The following CRIM1 variants were observed in gnomAD, a reference collection of about 807,000 sequenced individuals.
CRIM1 encodes cysteine-rich motor neuron 1 protein.
In CRIM1, 32 loss-of-function variants were observed where a neutral mutation model predicts 116.4. The observed-to-expected ratio is 0.27, with a 90% confidence interval of 0.21 to 0.37. CRIM1 has a LOEUF of 0.37. CRIM1 is among the 10% of genes least tolerant of loss of function. The pLI is 1.00. For missense variants in CRIM1, 1,331 were observed against 1,354.8 expected, an observed-to-expected ratio of 0.98 and a Z score of 0.28; for synonymous variants, 590 against 509.2, an observed-to-expected ratio of 1.16 and a Z score of -2.13.
chr2:36,546,892 C>T, intron 15 of CRIM1, 92 bp from the exon 16 acceptor site: 1 of 684,934 alleles, frequency 1.5e-6, no homozygotes, highest in Non-Finnish European at 2.4e-6. Context: ...AGCAATAAAA[C>T]CAAGTTGCTG....
chr2:36,451,447 C>T (rs1198931129), intron 4 of CRIM1, among the ~76,000 whole-genome samples: 1 of 152,190 alleles, frequency 6.6e-6, no homozygotes, highest in Non-Finnish European at 1.5e-5. Context: ...CCTCAAAAAG[C>T]ACATATACAT....
rs370583153 is a variant in CRIM1 at position 36,441,250 on chromosome 2, C to T, written c.506-8C>T. ...GGGCATAAGCTAAATTCTTTCTCTC[C>T]CTTTTAGAAGAGAAGCCAGATTGCT... is the stretch of plus-strand genomic sequence containing the variant. On this transcript the variant is annotated splice_region_variant and splice_polypyrimidine_tract_variant and intron_variant, in intron 2 of 16. Coordinates refer to ENST00000280527, the MANE Select transcript of CRIM1 (RefSeq NM_016441.3). 8.0e-5 allele frequency: 129 copies of T among 1,614,100 alleles called. No homozygotes were observed. The African/African-American group carries it at 1.3e-3, about 17-fold the overall frequency.
chr2:36,448,077 C>G (rs1330973661), intron 4 of CRIM1, among the ~76,000 whole-genome samples: 2 of 152,214 alleles, frequency 1.3e-5, no homozygotes, highest in Non-Finnish European at 1.5e-5. Context: ...TTTTAACCTT[C>G]CGCTTCTTGA....
intron 7 of CRIM1, among the ~76,000 whole-genome samples, chr2:36,488,443 T>C (rs2125064353): frequency 6.6e-6 from 1 of 152,318 alleles, no homozygotes; most frequent in South Asian, 2.1e-4. Context: ...GGGAAATCTG[T>C]TGCCAGGGGA....
At chr2:36,379,064 A>G (rs1670536285) in intron 1 of CRIM1, 1 of 152,232 alleles carries the variant, frequency 6.6e-6, no homozygotes, top group African/African-American at 2.4e-5. Context: ...CATTCAAATG[A>G]AACAGCTTGT....
In CRIM1 at chr2:36,522,248, C is replaced by T. The variant is rs934576486; in HGVS notation, c.2363C>T (p.Ser788Phe). ...IDSVISCFSE[S>F]CPSVSCERPV... ...AGCGTAATTAGCTGTTTCTCTGAGTCCTGCCCTTCTGTATCCTGTGAAAGA... is the reference window on the plus strand; with the variant it reads ...AGCGTAATTAGCTGTTTCTCTGAGTTCTGCCCTTCTGTATCCTGTGAAAGA... Residue 788 changes from serine to phenylalanine, a missense_variant, in exon 13 of 17, where the codon TCC (serine) becomes TTC (phenylalanine). Coordinates refer to ENST00000280527, the MANE Select transcript of CRIM1 (RefSeq NM_016441.3). 4.3e-6 allele frequency: 7 copies of T among 1,614,038 alleles called. No individual in the cohort carries two copies. Among genetic ancestry groups the T allele is most frequent in the Non-Finnish European group, 5.9e-6 (7 of 1,180,038 alleles).
chr2:36,506,155 ACACT>A (rs1230583633), intron 8 of CRIM1, among the ~76,000 whole-genome samples: 16 of 103,168 alleles, frequency 1.6e-4, no homozygotes, highest in Admixed American at 7.6e-4. Context: ...ACACACACAC[ACACT>A]CTCTCTCTCT....
intron 13 of CRIM1, 25 bp downstream of exon 13, chr2:36,522,338 C>G (rs201032781): frequency 2.0e-6 from 3 of 1,528,762 alleles, no homozygotes; most frequent in Non-Finnish European, 9.1e-7. Context: ...AAAAAAATCC[C>G]TCATCTCTAC....
intron 2 of CRIM1, among the ~76,000 whole-genome samples, chr2:36,418,451 G>A (rs1270845873): frequency 1.3e-5 from 2 of 152,054 alleles, no homozygotes; most frequent in East Asian, 1.9e-4. Flanking sequence ...CCTGCCTGGC[G>A]AATTTTTGTA....
intron 2 of CRIM1, among the ~76,000 whole-genome samples, chr2:36,407,703 CA>C (rs10719018): frequency 0.23 from 22,678 of 99,580 alleles, 1,804 homozygotes; most frequent in East Asian, 0.46. Context: ...TTGTGCCCGT[CA>C]AAAAAAAAAA....
At chr2:36,520,849 A>G (rs1297977401) in intron 12 of CRIM1, among the ~76,000 whole-genome samples, 1 of 152,242 alleles carries the variant, frequency 6.6e-6, no homozygotes, top group Non-Finnish European at 1.5e-5. Context: ...TATGGCAACT[A>G]CATGTCTCAG....
chr2:36,539,555 T>TA (rs1186134205), intron 14 of CRIM1, among the ~76,000 whole-genome samples: 1 of 152,118 alleles, frequency 6.6e-6, no homozygotes, highest in African/African-American at 2.4e-5. Flanking sequence ...GGGTTGAACA[T>TA]AGACTGTGGG....
intron 4 of CRIM1, among the ~76,000 whole-genome samples, chr2:36,453,612 T>C (rs911381285): frequency 1.3e-5 from 2 of 152,214 alleles, no homozygotes; most frequent in East Asian, 3.8e-4. Context: ...AGCAGATATT[T>C]TGAGCATTTG....
intron 15 of CRIM1, among the ~76,000 whole-genome samples, chr2:36,545,268 T>A (rs937020456): frequency 6.6e-5 from 10 of 152,216 alleles, no homozygotes; most frequent in African/African-American, 2.4e-4. Context: ...AACGTTATGC[T>A]TGGATCAAAC....
intron 7 of CRIM1, among the ~76,000 whole-genome samples, chr2:36,480,123 C>T (rs1432030321): frequency 6.6e-6 from 1 of 152,196 alleles, no homozygotes; most frequent in Non-Finnish European, 1.5e-5. Context: ...AAGCCAATTT[C>T]CACTGCCTAG....
chr2:36,514,471 C>T (rs1664904658), intron 11 of CRIM1, among the ~76,000 whole-genome samples: 1 of 152,086 alleles, frequency 6.6e-6, no homozygotes. Flanking sequence ...GTGCAGGCCA[C>T]TTTGAGTTAG....
At chr2:36,402,616 G>A (rs922463531) in intron 2 of CRIM1, among the ~76,000 whole-genome samples, 1 of 151,784 alleles carries the variant, frequency 6.6e-6, no homozygotes, top group African/African-American at 2.4e-5. Flanking sequence ...GTTGGGGTAG[G>A]GAGATGTAAG....
intron 13 of CRIM1, chr2:36,531,945 C>G (rs1666149705): frequency 2.1e-6 from 1 of 471,002 alleles, no homozygotes; most frequent in Non-Finnish European, 4.4e-6. Flanking sequence ...CTGCATCCAG[C>G]AAAGGGCTCC....
chr2:36,499,190 TG>T, intron 7 of CRIM1, 28 bp from the exon 8 acceptor site: 1 of 1,564,746 alleles, frequency 6.4e-7, no homozygotes, highest in African/African-American at 1.4e-5. Context: ...TATGTTTCAT[TG>T]GTTATTTTTT....
Sources: gnomAD v4.1 joint callset for allele counts (sites outside exome capture counted in the v4.1 genomes callset) on GRCh38, gnomAD v4.1.1 for gene constraint, MANE v1.5 for transcripts, NCBI Gene and HGNC (gene_info 2026-07-23, HGNC 2026-07-21) for gene names.